The following STARD13 variants were observed in gnomAD, a reference collection of about 807,000 sequenced individuals.
STARD13 encodes the protein stAR-related lipid transfer protein 13.
Under a neutral mutation model 106.4 loss-of-function variants are expected in STARD13, and 62 were observed. The observed-to-expected ratio is 0.58, with a 90% CI of 0.48 to 0.72. The LOEUF (loss-of-function observed/expected upper bound fraction) is 0.72, where lower values mean the gene tolerates loss of function less well. STARD13 is among the 30% of genes least tolerant of loss of function. STARD13 has a pLI of 0.00. For synonymous variants in STARD13, 565 were observed against 553.0 expected (o/e 1.02, Z -0.31); for missense variants, 1,387 against 1,424.0 (o/e 0.97, Z 0.42).
the STARD13 span, among the ~76,000 whole-genome samples, chr13:33,471,120 C>T: frequency 6.6e-6 from 1 of 152,156 alleles, no homozygotes; most frequent in Non-Finnish European, 1.5e-5. Context: ...AGGAAGGGAT[C>T]CAGTTTCAGC....
chr13:33,168,003 T>C (rs1045456928), intron 1 of STARD13, among the ~76,000 whole-genome samples: 7 of 152,044 alleles, frequency 4.6e-5, no homozygotes, highest in Non-Finnish European at 8.8e-5. Flanking sequence ...ATGGAATTTT[T>C]TTTTTAAGTT....
At chr13:33,437,684 G>A in the STARD13 span, among the ~76,000 whole-genome samples, 3 of 152,210 alleles carry the variant, frequency 2.0e-5, no homozygotes, top group Admixed American at 6.5e-5. Flanking sequence ...CTTATGGACT[G>A]CTTTGTATCT....
chr13:33,227,353 A>G (rs1888679571), intron 1 of STARD13, among the ~76,000 whole-genome samples: 1 of 152,236 alleles, frequency 6.6e-6, no homozygotes, highest in Non-Finnish European at 1.5e-5. Flanking sequence ...ATTTAAACAG[A>G]TACCTAATTT....
chr13:33,194,347 T>C (rs1409038201), intron 1 of STARD13, among the ~76,000 whole-genome samples: 1 of 152,210 alleles, frequency 6.6e-6, no homozygotes, highest in Non-Finnish European at 1.5e-5. Flanking sequence ...TTAATATTCA[T>C]TATGGAAACA....
the STARD13 span, chr13:33,359,645 A>G: frequency 6.5e-6 from 1 of 152,742 alleles, no homozygotes; most frequent in Non-Finnish European, 1.5e-5. Flanking sequence ...AGCCTGGGCA[A>G]CAGAGCAAGA....
chr13:33,189,430 CTTT>C (rs1213014300), intron 1 of STARD13, among the ~76,000 whole-genome samples: 11 of 13,730 alleles, frequency 8.0e-4, no homozygotes, highest in African/African-American at 1.9e-3. Context: ...CTCCTTCCTC[CTTT>C]CGGAGGAAGG....
the STARD13 span, among the ~76,000 whole-genome samples, chr13:33,481,031 T>A: frequency 6.6e-6 from 1 of 151,798 alleles, no homozygotes; most frequent in East Asian, 1.9e-4. Flanking sequence ...GCATATCAAA[T>A]ATGTTTAAAT....
chr13:33,421,647 G>T, the STARD13 span, among the ~76,000 whole-genome samples: 1 of 152,138 alleles, frequency 6.6e-6, no homozygotes, highest in African/African-American at 2.4e-5. Flanking sequence ...AACAATAAAA[G>T]AGAATTTTAG....
At chr13:33,250,468 C>A (rs1594165953) in intron 1 of STARD13, among the ~76,000 whole-genome samples, 3 of 152,166 alleles carry the variant, frequency 2.0e-5, no homozygotes, top group East Asian at 1.9e-4. Context: ...GAAAGCCCTG[C>A]AGAGAGTTGC....
chr13:33,396,247 C>T, the STARD13 span, among the ~76,000 whole-genome samples: 7 of 152,218 alleles, frequency 4.6e-5, no homozygotes, highest in Non-Finnish European at 7.3e-5. Flanking sequence ...CCTCCTGCCT[C>T]AGCCTCCCCA....
the STARD13 span, among the ~76,000 whole-genome samples, chr13:33,551,963 A>G: frequency 6.6e-6 from 1 of 152,186 alleles, no homozygotes; most frequent in Admixed American, 6.5e-5. Flanking sequence ...GATATATCAT[A>G]CAAACAGTAA....
chr13:33,235,906 T>C (rs982933594), intron 1 of STARD13, among the ~76,000 whole-genome samples: 6 of 152,244 alleles, frequency 3.9e-5, no homozygotes, highest in African/African-American at 1.4e-4. Context: ...GGCAGGTGGA[T>C]GTTCCGTTGG....
intron 1 of STARD13, among the ~76,000 whole-genome samples, chr13:33,210,632 G>A (rs1302487518): frequency 2.0e-5 from 3 of 152,184 alleles, no homozygotes; most frequent in African/African-American, 7.2e-5. Flanking sequence ...AGGTGATTAC[G>A]ACTACACTTA....
chr13:33,503,278 C>A, the STARD13 span, among the ~76,000 whole-genome samples: 3 of 152,036 alleles, frequency 2.0e-5, no homozygotes, highest in African/African-American at 7.2e-5. Context: ...CTCTTTTCTT[C>A]TTTATTAGTC....
chr13:33,358,418 C>A, the STARD13 span, among the ~76,000 whole-genome samples: 13 of 152,222 alleles, frequency 8.5e-5, no homozygotes. Flanking sequence ...GGTGTGGGAT[C>A]CACTAGATGA....
In STARD13 at chr13:33,343,588, A is replaced by AAAAAAAAAC. The variant is rs1566150466; in HGVS notation, c.124+6701_124+6702insGTTTTTTTT. 4.1e-5 allele frequency among the ~76,000 whole-genome samples: 4 copies of AAAAAAAAAC among 97,284 alleles called. 1 individual carries two copies. Among genetic ancestry groups the AAAAAAAAAC allele is most frequent in the Non-Finnish European group, 6.2e-5 (3 of 48,102 alleles). 63.8% of individuals were successfully genotyped at this position (97,284 alleles called of 152,430 possible). On this transcript the variant is annotated intron_variant, in intron 1 of 5. Transcript: ENST00000567873. ...TTGAGACCCTGTCTTAAAAAAAAAA[A>AAAAAAAAAC]AAAAAAAAACAAATCTACAAATCTA... is the stretch of plus-strand genomic sequence containing the variant.
At chr13:33,403,733 A>C in the STARD13 span, among the ~76,000 whole-genome samples, 1 of 152,164 alleles carries the variant, frequency 6.6e-6, no homozygotes, top group Non-Finnish European at 1.5e-5. Flanking sequence ...CCCTCAATAA[A>C]TCTGCAGTCC....
In STARD13 at chr13:33,113,589, T is replaced by C. The variant is rs116952633; in HGVS notation, c.2282-658A>G. ...AGGACTTGCTTTGCAGGATGCCTGC[T>C]ATTGACTTCATGTGGAGACCCAGCG... On this transcript the variant is annotated intron_variant, in intron 8 of 13. Transcript: ENST00000336934. 6.6e-4 allele frequency: 342 copies of C among 514,886 alleles called. 4 individuals are homozygous for C. The East Asian group carries it at 0.015, about 22-fold the overall frequency. 31.9% of individuals were successfully genotyped at this position (514,886 alleles called of 1,614,324 possible).
At chr13:33,223,184 G>T (rs1888445863) in intron 1 of STARD13, among the ~76,000 whole-genome samples, 1 of 152,220 alleles carries the variant, frequency 6.6e-6, no homozygotes, top group Non-Finnish European at 1.5e-5. Flanking sequence ...GGAGAAAGAT[G>T]TTAATGAGTT....
Sources: allele counts gnomAD v4.1 joint callset (sites outside exome capture counted in the v4.1 genomes callset), GRCh38; gene constraint gnomAD v4.1.1; transcripts MANE v1.5; gene names NCBI Gene and HGNC (gene_info 2026-07-23, HGNC 2026-07-21).